TUFT1: variants seen among roughly 807,000 people sequenced by gnomAD.
The protein encoded by TUFT1 is tuftelin.
Under a neutral mutation model 57.8 loss-of-function variants are expected in TUFT1, and 43 were observed. That is an observed-to-expected ratio of 0.74 (90% CI 0.58 to 0.96). TUFT1 has a LOEUF of 0.96. Among genes scored for constraint, TUFT1 ranks in the 40% least tolerant of loss-of-function variants. TUFT1 has a pLI of 0.00. For synonymous variants in TUFT1, 166 were observed against 176.7 expected, an observed-to-expected ratio of 0.94 and a Z score of 0.48; for missense variants, 459 against 489.0, an observed-to-expected ratio of 0.94 and a Z score of 0.58.
intron 6 of TUFT1, 33 bp downstream of exon 6, chr1:151,566,261 T>C: frequency 1.3e-6 from 2 of 1,588,278 alleles, no homozygotes; most frequent in Non-Finnish European, 1.7e-6. Flanking sequence ...GTGGCTCCGC[T>C]TAGCCAGGGG....
chr1:151,574,447 G>T (rs748380716), intron 8 of TUFT1, 49 bp downstream of exon 8: 1 of 1,607,030 alleles, frequency 6.2e-7, no homozygotes, highest in Non-Finnish European at 8.5e-7. Flanking sequence ...GGGCTGGAAG[G>T]GGCCTGCAGG....
rs1329340269 is a variant in TUFT1 at position 151,569,743 on chromosome 1, A to G, written c.567A>G (p.Gln189=). 1 of 1,613,926 alleles carries G rather than the reference A, an allele frequency of 6.2e-7. No individual in the cohort carries two copies. The highest frequency in any genetic ancestry group is 8.5e-7 in the Non-Finnish European group (1 of 1,179,938). The change falls in exon 7 of 13, where the codon CAA becomes CAG. Residue 189 remains glutamine (Q), a synonymous_variant. Transcript: ENST00000368849. ...LLAKLQEAKR[Q]HQSDCVAFEV... The stretch of plus-strand genomic sequence containing the variant: ...CCAAGCTTCAGGAGGCCAAGCGGCA[A>G]CACCAGTCAGACTGTGTGGCTTTTG...
Position 151,563,979 on chromosome 1 carries a change from T to A in TUFT1, c.313T>A (p.Tyr105Asn), listed in dbSNP as rs1410953341. ...NINQLKSEVQYIQEARNCLQK... is the reference protein window; with the variant it reads ...NINQLKSEVQNIQEARNCLQK... Reference sequence around the variant, plus strand: ...TAACCAGCTGAAGAGTGAGGTCCAGTACATCCAGGAGGTGGGCACCCCTTA... The same window carrying A: ...TAACCAGCTGAAGAGTGAGGTCCAGAACATCCAGGAGGTGGGCACCCCTTA... The change falls in exon 4 of 13, where the codon TAC (tyrosine) becomes AAC (asparagine). Residue 105 changes from tyrosine to asparagine, a missense_variant. Transcript: ENST00000368849. The A allele has an allele frequency of 1.2e-6, 2 of 1,613,998 alleles. No homozygotes were observed. Among genetic ancestry groups the A allele is most frequent in the Admixed American group, 3.3e-5 (2 of 59,980 alleles).
At chr1:151,562,728 C>A in intron 3 of TUFT1, 42 bp downstream of exon 3, 1 of 1,527,010 alleles carries the variant, frequency 6.5e-7, no homozygotes, top group Non-Finnish European at 9.1e-7. Context: ...TGTCCTCTTC[C>A]TCCCTGCACG....
chr1:151,554,224 T>G (rs1383400183), intron 1 of TUFT1, among the ~76,000 whole-genome samples: 1 of 152,214 alleles, frequency 6.6e-6, no homozygotes, highest in African/African-American at 2.4e-5. Context: ...GTAGACTATC[T>G]GGGTTTCACC....
In TUFT1 at chr1:151,580,932, T is replaced by G. The variant is rs1340010391; in HGVS notation, c.1009-10T>G. On this transcript the variant is annotated splice_polypyrimidine_tract_variant and intron_variant, in intron 11 of 12. Transcript: ENST00000368849. Reference sequence around the variant, plus strand: ...AAAGGCCAACTCTAACCCCTAAGCTTGTGTTACAGAATTTAGAGATGCATG... The same window carrying G: ...AAAGGCCAACTCTAACCCCTAAGCTGGTGTTACAGAATTTAGAGATGCATG... The G allele has an allele frequency of 1.5e-5, 25 of 1,613,574 alleles. No homozygotes were observed. The highest frequency in any genetic ancestry group is 2.1e-5 in the Non-Finnish European group (25 of 1,179,650).
chr1:151,567,812 T>C (rs1167171066), intron 6 of TUFT1, among the ~76,000 whole-genome samples: 2 of 152,146 alleles, frequency 1.3e-5, no homozygotes, highest in Admixed American at 1.3e-4. Context: ...TCCCAAAGTG[T>C]TAGGATTACA....
At chr1:151,566,120 C>G (rs1333845476) in intron 5 of TUFT1, 43 bp from the exon 6 acceptor site, 1 of 1,395,960 alleles carries the variant, frequency 7.2e-7, no homozygotes, top group South Asian at 1.2e-5. Context: ...AAGTTGGTTG[C>G]TTTCATCTGT....
rs1293794359 is a variant in TUFT1, at chr1:151,579,733, G to A, written c.1008+1G>A. The A allele has an allele frequency of 6.2e-7, 1 of 1,613,244 alleles. No homozygotes were observed. The highest frequency in any genetic ancestry group is 1.3e-5 in the African/African-American group (1 of 74,908). On this transcript the variant is annotated splice_donor_variant, in intron 11 of 12. Coordinates refer to ENST00000368849, the MANE Select transcript of TUFT1 (RefSeq NM_020127.3). LOFTEE classifies it high-confidence loss of function. ...GAAAATCGCCTATCTGGAGGCAGAGGTGTGTGTGCTGGGCAGCCCAGCAGG... is the reference window on the plus strand; with the variant it reads ...GAAAATCGCCTATCTGGAGGCAGAGATGTGTGTGCTGGGCAGCCCAGCAGG...
In TUFT1 at chr1:151,562,111, G is replaced by A. The variant is rs1211049156; in HGVS notation, c.81G>A (p.Arg27=). Residue 27 remains arginine (R), a synonymous_variant, in exon 2 of 13, where the codon AGG becomes AGA. Transcript: ENST00000368849. ...ATTAGGGCAGCGTGGACATTCTCAG[G>A]CTGACTCTCCAGGGTGAACTGACAG... ...DQAAGSVDIL[R]LTLQGELTGD... 1.9e-6 allele frequency: 3 copies of A among 1,614,014 alleles called. No individual in the cohort carries two copies. Among genetic ancestry groups the A allele is most frequent in the East Asian group, 2.2e-5 (1 of 44,898 alleles).
intron 1 of TUFT1, among the ~76,000 whole-genome samples, chr1:151,543,362 T>C (rs1293759914): frequency 6.8e-6 from 1 of 147,154 alleles, no homozygotes; most frequent in Non-Finnish European, 1.5e-5. Flanking sequence ...TGTGTGTGTA[T>C]TATATATGTA....
intron 1 of TUFT1, among the ~76,000 whole-genome samples, chr1:151,542,238 T>G (rs1234929850): frequency 6.6e-6 from 1 of 152,100 alleles, no homozygotes; most frequent in Non-Finnish European, 1.5e-5. Flanking sequence ...TCTCTTTTTT[T>G]GAGACAGGGC....
intron 9 of TUFT1, 51 bp downstream of exon 9, chr1:151,575,056 G>A: frequency 1.3e-6 from 2 of 1,496,578 alleles, no homozygotes; most frequent in Non-Finnish European, 1.8e-6. Flanking sequence ...GGGAGGGGAG[G>A]GCAGGCCATA....
intron 1 of TUFT1, among the ~76,000 whole-genome samples, chr1:151,552,605 G>A (rs545329826): frequency 1.3e-5 from 2 of 150,914 alleles, no homozygotes; most frequent in Non-Finnish European, 2.9e-5. Flanking sequence ...TTGGGAGGCT[G>A]AGGCAGGAGA....
intron 2 of TUFT1, among the ~76,000 whole-genome samples, 189 bp downstream of exon 2, chr1:151,562,354 T>G (rs1665923630): frequency 6.6e-6 from 1 of 152,188 alleles, no homozygotes; most frequent in African/African-American, 2.4e-5. Context: ...CCACTAAAAT[T>G]AAAACTAAAC....
Position 151,557,432 on chromosome 1 carries a change from C to T in TUFT1, c.61-4659C>T, listed in dbSNP as rs960887414. ...GGCTTTCCAGCCCCAGCCCCGGCCC[C>T]TACAGCCACCGAGATGTTGATGCCT... On this transcript the variant is annotated intron_variant, in intron 1 of 12. Coordinates refer to ENST00000368849, the MANE Select transcript of TUFT1 (RefSeq NM_020127.3). 1.0e-5 allele frequency: 12 copies of T among 1,149,026 alleles called. No individual in the cohort carries two copies. In the African/African-American group the frequency reaches 1.8e-4, roughly 17 times the overall value. 71.2% of individuals were successfully genotyped at this position (1,149,026 alleles called of 1,614,324 possible). A position where few individuals can be genotyped will look rare whatever the true frequency, so the allele number is the denominator to read the frequency against.
At chr1:151,552,883 A>G (rs1665555629) in intron 1 of TUFT1, among the ~76,000 whole-genome samples, 1 of 152,162 alleles carries the variant, frequency 6.6e-6, no homozygotes, top group African/African-American at 2.4e-5. Context: ...GAAGCAGTCC[A>G]TTCTTAGATT....
chr1:151,540,719 A>T, intron 1 of TUFT1: 2 of 388,160 alleles, frequency 5.2e-6, no homozygotes, highest in Admixed American at 4.0e-5. Flanking sequence ...CGCGGGTCTC[A>T]GGCGTCTTTT....
chr1:151,574,714 C>G (rs1666392093), intron 8 of TUFT1, among the ~76,000 whole-genome samples, 197 bp from the exon 9 acceptor site: 1 of 152,152 alleles, frequency 6.6e-6, no homozygotes, highest in Non-Finnish European at 1.5e-5. Flanking sequence ...CTCAGGGCAG[C>G]TGGGTGAGGC....
Sources: gnomAD v4.1 joint callset for allele counts (sites outside exome capture counted in the v4.1 genomes callset) on GRCh38, gnomAD v4.1.1 for gene constraint, MANE v1.5 for transcripts, NCBI Gene and HGNC (gene_info 2026-07-23, HGNC 2026-07-21) for gene names.